MAST4: variants seen among roughly 807,000 people sequenced by gnomAD.
MAST4 encodes the protein microtubule-associated serine/threonine-protein kinase 4.
MAST4 carries 89 observed loss-of-function variants against 162.7 expected under a neutral mutation model. The ratio of observed to expected loss-of-function variants is 0.55; its 90% CI spans 0.46 to 0.65. The LOEUF (loss-of-function observed/expected upper bound fraction) is 0.65, where lower values mean the gene tolerates loss of function less well. Ranked by LOEUF, MAST4 falls within the 30% of genes least tolerant of loss-of-function variation. The probability of loss-of-function intolerance (pLI) is 0.00; values close to 1 mark genes in which losing one functional copy is unlikely to be tolerated. For synonymous variants in MAST4, 1,479 were observed against 1,361.1 expected (o/e 1.09, Z -1.91); for missense variants, 3,153 against 3,374.0 (o/e 0.93, Z 1.62).
chr5:66,703,330 T>TACC (rs1190815026), intron 1 of MAST4, among the ~76,000 whole-genome samples: 1 of 152,246 alleles, frequency 6.6e-6, no homozygotes, highest in Non-Finnish European at 1.5e-5. Context: ...ATGATGCCTT[T>TACC]ACCAAGTCAT....
At chr5:66,818,627 G>A (rs1756846101) in intron 3 of MAST4, among the ~76,000 whole-genome samples, 1 of 152,106 alleles carries the variant, frequency 6.6e-6, no homozygotes, top group Non-Finnish European at 1.5e-5. Flanking sequence ...ATATGCATAT[G>A]TATGTGTGGG....
chr5:66,700,064 GCAGCC>G (rs1243583413), intron 1 of MAST4, among the ~76,000 whole-genome samples: 2 of 152,108 alleles, frequency 1.3e-5, no homozygotes, highest in African/African-American at 4.8e-5. Flanking sequence ...GGTGTTGACT[GCAGCC>G]CAGTGTCTTC....
intron 3 of MAST4, among the ~76,000 whole-genome samples, chr5:66,844,073 G>A (rs1561374492): frequency 6.6e-6 from 1 of 150,458 alleles, no homozygotes; most frequent in Non-Finnish European, 1.5e-5. Context: ...ACTTTCCTTA[G>A]GTTGTTCTAA....
intron 4 of MAST4, among the ~76,000 whole-genome samples, chr5:66,924,855 C>T (rs890038966): frequency 6.6e-6 from 1 of 152,136 alleles, no homozygotes; most frequent in African/African-American, 2.4e-5. Context: ...TTACTTCTAT[C>T]TTTTGATGCA....
chr5:66,718,855 A>G (rs1412799378), intron 1 of MAST4, among the ~76,000 whole-genome samples: 1 of 152,058 alleles, frequency 6.6e-6, no homozygotes, highest in Non-Finnish European at 1.5e-5. Context: ...CTTCGAGTAT[A>G]GTTTGTGAGT....
At chr5:67,049,674 C>T (rs1757936093) in intron 4 of MAST4, among the ~76,000 whole-genome samples, 2 of 151,710 alleles carry the variant, frequency 1.3e-5, no homozygotes, top group African/African-American at 4.9e-5. Flanking sequence ...TTATTACTGC[C>T]CCTCAATGGT....
intron 5 of MAST4, among the ~76,000 whole-genome samples, chr5:67,086,372 TCAAA>T (rs765116530): frequency 6.6e-6 from 1 of 152,182 alleles, no homozygotes; most frequent in Non-Finnish European, 1.5e-5. Context: ...TACAAAGCAA[TCAAA>T]CAATTTAATT....
At chr5:66,671,295 T>C (rs4499783) in intron 1 of MAST4, among the ~76,000 whole-genome samples, 67,171 of 151,990 alleles carry the variant, frequency 0.44, 15,239 homozygotes, top group African/African-American at 0.55. Flanking sequence ...CCCATTCTTT[T>C]GTTCTTTGGG....
intron 4 of MAST4, among the ~76,000 whole-genome samples, chr5:66,981,399 G>C (rs1748808917): frequency 6.6e-6 from 1 of 152,184 alleles, no homozygotes; most frequent in South Asian, 2.1e-4. Context: ...CATCCACTCA[G>C]AACTTTGTGT....
At chr5:66,915,468 A>G (rs1337304065) in intron 4 of MAST4, among the ~76,000 whole-genome samples, 2 of 152,194 alleles carry the variant, frequency 1.3e-5, no homozygotes, top group African/African-American at 2.4e-5. Context: ...AAATAAAGCT[A>G]GTTTAAAAAA....
At chr5:67,133,721 TGTGGGCCATCTTCACATTA>T (rs1769271981) in intron 17 of MAST4, 75 bp downstream of exon 17, 1 of 1,515,012 alleles carries the variant, frequency 6.6e-7, no homozygotes. Flanking sequence ...AATCAACTTG[TGTGGGCCATCTTCACATTA>T]GTGCTGGTGG....
At chr5:67,063,514 A>G (rs1206659405) in intron 5 of MAST4, among the ~76,000 whole-genome samples, 1 of 152,148 alleles carries the variant, frequency 6.6e-6, no homozygotes, top group Non-Finnish European at 1.5e-5. Flanking sequence ...TTTAATCTGA[A>G]TGGCCTTTGA....
At chr5:67,035,552 CA>C (rs1380013465) in intron 4 of MAST4, among the ~76,000 whole-genome samples, 1 of 152,126 alleles carries the variant, frequency 6.6e-6, no homozygotes, top group Non-Finnish European at 1.5e-5. Flanking sequence ...AACCAGGAAT[CA>C]CTTCCTACTC....
chr5:66,857,732 TC>T (rs1484276639), intron 3 of MAST4, among the ~76,000 whole-genome samples: 1 of 152,208 alleles, frequency 6.6e-6, no homozygotes, highest in African/African-American at 2.4e-5. Flanking sequence ...TTTTATTATT[TC>T]CCTTTTGCTA....
chr5:66,967,908 A>AC (rs1468462998), intron 4 of MAST4, among the ~76,000 whole-genome samples: 6 of 151,718 alleles, frequency 4.0e-5, no homozygotes, highest in Admixed American at 2.6e-4. Flanking sequence ...ATTTCTCATG[A>AC]CCCCCAGTAC....
chr5:66,866,757 G>GT (rs1194618506), intron 3 of MAST4, among the ~76,000 whole-genome samples: 1 of 152,136 alleles, frequency 6.6e-6, no homozygotes, highest in African/African-American at 2.4e-5. Flanking sequence ...TGTTGCTTTT[G>GT]TTTTTTCTTT....
intron 4 of MAST4, among the ~76,000 whole-genome samples, chr5:66,968,990 A>G (rs139761198): frequency 3.9e-4 from 59 of 152,344 alleles, no homozygotes; most frequent in African/African-American, 1.3e-3. Flanking sequence ...AGACCTGTCT[A>G]TCTTACATAC....
At chr5:66,971,021 G>A (rs1355844517) in intron 4 of MAST4, among the ~76,000 whole-genome samples, 1 of 152,186 alleles carries the variant, frequency 6.6e-6, no homozygotes, top group Non-Finnish European at 1.5e-5. Context: ...ACCTGGTCTG[G>A]TTCAAGCTCA....
intron 4 of MAST4, among the ~76,000 whole-genome samples, chr5:66,942,663 A>C: frequency 6.6e-6 from 1 of 152,134 alleles, no homozygotes; most frequent in East Asian, 1.9e-4. Context: ...ATACATGTGT[A>C]CAAAAAAATG....
Sources: gnomAD v4.1 joint callset for allele counts (sites outside exome capture counted in the v4.1 genomes callset) on GRCh38, gnomAD v4.1.1 for gene constraint, MANE v1.5 for transcripts, NCBI Gene and HGNC (gene_info 2026-07-23, HGNC 2026-07-21) for gene names.